Variants in EMSY observed in about 807,000 individuals in gnomAD.
The protein encoded by EMSY is BRCA2-interacting transcriptional repressor EMSY.
In EMSY, 26 loss-of-function variants were observed where a neutral mutation model predicts 134.6. The observed-to-expected ratio is 0.19, with a 90% CI of 0.14 to 0.27. EMSY has a LOEUF of 0.27. Among genes scored for constraint, EMSY ranks in the 10% least tolerant of loss-of-function variants. The pLI is 1.00. For missense variants in EMSY, 1,305 were observed against 1,611.4 expected, an observed-to-expected ratio of 0.81 and a Z score of 3.26; for synonymous variants, 579 against 577.8, an observed-to-expected ratio of 1.00 and a Z score of -0.03.
At chr11:76,465,356 C>G (rs73493482) in intron 7 of EMSY, among the ~76,000 whole-genome samples, 6,794 of 152,266 alleles carry the variant, frequency 0.045, 182 homozygotes, top group African/African-American at 0.059. Flanking sequence ...TGTGGGAAAA[C>G]TAAACTCTCT....
rs1312103375 is a variant in EMSY at position 76,520,286 on chromosome 11, TA to T, written c.1685-2868del. On this transcript the variant is annotated intron_variant, in intron 11 of 20. Transcript: ENST00000334736. ...TAAACTTGTGGACTTGGTTTGCAAC[TA>T]TCATATAAATTGAAAAACCTCTGTA... 2.6e-5 allele frequency among the ~76,000 whole-genome samples: 4 copies of T among 152,166 alleles called. No individual in the cohort carries two copies. The East Asian group carries it at 7.7e-4, about 29-fold the overall frequency.
chr11:76,492,459 C>T (rs1949461360), intron 8 of EMSY, among the ~76,000 whole-genome samples: 1 of 152,076 alleles, frequency 6.6e-6, no homozygotes, highest in Non-Finnish European at 1.5e-5. Context: ...GGCCACAGAG[C>T]GAGACTCCAT....
intron 7 of EMSY, among the ~76,000 whole-genome samples, chr11:76,467,509 A>G (rs1425499812): frequency 6.6e-6 from 1 of 152,220 alleles, no homozygotes; most frequent in East Asian, 1.9e-4. Flanking sequence ...CCCAGGGACT[A>G]TAAGCTGCTA....
intron 1 of EMSY, among the ~76,000 whole-genome samples, chr11:76,446,346 T>TGC (rs1947401816): frequency 4.4e-5 from 1 of 22,540 alleles, no homozygotes; most frequent in African/African-American, 2.0e-4. Context: ...TATATATATA[T>TGC]GTGTATATAT....
intron 11 of EMSY, among the ~76,000 whole-genome samples, chr11:76,518,039 T>G (rs1419580202): frequency 6.6e-6 from 1 of 152,130 alleles, no homozygotes; most frequent in Non-Finnish European, 1.5e-5. Flanking sequence ...AGTTTTAAAA[T>G]CTTTCATTGC....
intron 8 of EMSY, among the ~76,000 whole-genome samples, 153 bp downstream of exon 9, chr11:76,472,993 A>G (rs1166652013): frequency 6.6e-6 from 1 of 152,192 alleles, no homozygotes; most frequent in African/African-American, 2.4e-5. Flanking sequence ...GAATGTCAAG[A>G]TGGTCGGTGA....
exon 19 of EMSY, chr11:76,544,548 G>A (rs1951569979): frequency 1.1e-5 from 17 of 1,614,044 alleles, no homozygotes; most frequent in Non-Finnish European, 1.4e-5. Context: ...CTTTCCATCA[G>A]GCATCAAAAA....
Position 76,526,378 on chromosome 11 carries a change from T to C in EMSY, c.1822-84T>C, listed in dbSNP as rs1429542654. 5 of 1,040,760 alleles carry C rather than the reference T, an allele frequency of 4.8e-6. No individual in the cohort carries two copies. The Admixed American group carries it at 1.4e-4, about 30-fold the overall frequency. 64.5% of individuals were successfully genotyped at this position (1,040,760 alleles called of 1,614,324 possible). On this transcript the variant is annotated intron_variant, in intron 12 of 20. Transcript: ENST00000334736. ...TACAGCCCTTTTTTCATCATCCTGG[T>C]AAAACCTTACTGATTTTTCAGTGAG...
At chr11:76,468,504 G>C (rs1011258567) in intron 7 of EMSY, among the ~76,000 whole-genome samples, 1 of 152,180 alleles carries the variant, frequency 6.6e-6, no homozygotes, top group African/African-American at 2.4e-5. Flanking sequence ...AAATGTTCTT[G>C]GAGTTTTATG....
At position 76,463,372 on chromosome 11, in the gene EMSY, C is replaced by A. The variant is rs370058354; in HGVS notation, c.572-449C>A. 8.6e-5 allele frequency among the ~76,000 whole-genome samples: 13 copies of A among 150,982 alleles called. No homozygotes were observed. The East Asian group carries it at 2.2e-3, about 25-fold the overall frequency. ...GGCGCGGTGGCTCACGCCTGTAATC[C>A]CAGCACTTTGGGAGGCCGAGGCGGG... On this transcript the variant is annotated intron_variant, in intron 6 of 20. Transcript: ENST00000334736.
intron 7 of EMSY, among the ~76,000 whole-genome samples, chr11:76,467,389 G>T (rs1027395232): frequency 6.6e-6 from 1 of 152,146 alleles, no homozygotes; most frequent in Admixed American, 6.6e-5. Context: ...AGCTAAAAGC[G>T]TACCTACCTC....
At chr11:76,482,898 A>C (rs1949036044) in intron 8 of EMSY, among the ~76,000 whole-genome samples, 1 of 152,230 alleles carries the variant, frequency 6.6e-6, no homozygotes, top group African/African-American at 2.4e-5. Context: ...GGAAATACAA[A>C]GAACACCACA....
At chr11:76,542,745 CGTTTTTT>C (rs199877807) in intron 18 of EMSY, among the ~76,000 whole-genome samples, 4 of 129,214 alleles carry the variant, frequency 3.1e-5, no homozygotes, top group African/African-American at 9.8e-5. Flanking sequence ...GTTTGTTTTT[CGTTTTTT>C]GTTTTTTTTT....
intron 14 of EMSY, among the ~76,000 whole-genome samples, chr11:76,532,242 A>G (rs1951068373): frequency 2.0e-5 from 3 of 152,176 alleles, no homozygotes; most frequent in Non-Finnish European, 4.4e-5. Context: ...GAAGGTACTC[A>G]GTAAAAGTTT....
At chr11:76,476,487 T>A (rs993430112) in intron 8 of EMSY, among the ~76,000 whole-genome samples, 48 of 152,366 alleles carry the variant, frequency 3.2e-4, no homozygotes, top group African/African-American at 1.0e-3. Context: ...GCAGGATACA[T>A]GCATGATTAT....
rs543082907 is a variant in EMSY, at chr11:76,508,291, C to T, written c.1364-5095C>T. ...TTAATCTTGTATATCTCCATCAGAG[C>T]TCTTGGGTGACTAGGTGCATTGTCA... On this transcript the variant is annotated intron_variant, in intron 9 of 20. Transcript: ENST00000334736. 3.9e-5 allele frequency among the ~76,000 whole-genome samples: 6 copies of T among 152,130 alleles called. No individual in the cohort carries two copies. The East Asian group carries it at 1.2e-3, about 29-fold the overall frequency.
chr11:76,525,804 T>C (rs548798829), intron 12 of EMSY, among the ~76,000 whole-genome samples: 1 of 152,264 alleles, frequency 6.6e-6, no homozygotes, highest in Admixed American at 6.5e-5. Context: ...TGTAACCTTA[T>C]ATATTATTAA....
intron 14 of EMSY, among the ~76,000 whole-genome samples, chr11:76,534,562 T>G (rs1951159250): frequency 6.6e-6 from 1 of 152,094 alleles, no homozygotes; most frequent in African/African-American, 2.4e-5. Context: ...GTTGGAAGAG[T>G]TGTTCCCCTT....
intron 3 of EMSY, 88 bp from the exon 4 acceptor site, chr11:76,453,226 C>A: frequency 8.3e-7 from 1 of 1,201,296 alleles, no homozygotes; most frequent in Non-Finnish European, 1.2e-6. Flanking sequence ...CCCCTTCTCC[C>A]CCCAAAAATG....
Sources: gnomAD v4.1 joint callset for allele counts (sites outside exome capture counted in the v4.1 genomes callset) on GRCh38, gnomAD v4.1.1 for gene constraint, MANE v1.5 for transcripts, NCBI Gene and HGNC (gene_info 2026-07-23, HGNC 2026-07-21) for gene names.